DNAH9: variants seen among roughly 807,000 people sequenced by gnomAD.
DNAH9 encodes the protein DNAH9 variant protein.
In DNAH9, 345 loss-of-function variants were observed where a neutral mutation model predicts 471.6. The ratio of observed to expected loss-of-function variants is 0.73; its 90% CI spans 0.67 to 0.80. The LOEUF is 0.80. Ranked by LOEUF, DNAH9 falls within the 30% of genes least tolerant of loss-of-function variation. DNAH9 has a pLI of 0.00. For synonymous variants in DNAH9, 2,093 were observed against 2,123.6 expected, an observed-to-expected ratio of 0.99 and a Z score of 0.40; for missense variants, 5,407 against 5,609.2, an observed-to-expected ratio of 0.96 and a Z score of 1.15.
chr17:11,632,679 A>G lies in DNAH9; in HGVS notation c.1611A>G (p.Ala537=). ...TCTTTATTCAAGCTTTTGATGATGC[A>G]CCTGGCTTGGAGCATGCCTTTAAGG... The part of the protein sequence containing the change: ...GTIFIQAFDD[A]PGLEHAFKLL... The change falls in exon 8 of 69, where the codon GCA becomes GCG. Residue 537 remains alanine, a synonymous_variant. Coordinates refer to ENST00000262442, the MANE Select transcript of DNAH9 (RefSeq NM_001372.4). The G allele has an allele frequency of 6.3e-7, 1 of 1,599,416 alleles. No homozygotes were observed. The highest frequency in any genetic ancestry group is 8.6e-7 in the Non-Finnish European group (1 of 1,166,680).
At chr17:11,653,177 G>T (rs1182711223) in intron 14 of DNAH9, among the ~76,000 whole-genome samples, 175 bp downstream of exon 14, 2 of 152,326 alleles carry the variant, frequency 1.3e-5, no homozygotes, top group African/African-American at 4.8e-5. Flanking sequence ...CAAATGAAAA[G>T]TTGCATTTTG....
At chr17:11,963,411 GCAA>G (rs1474652002) in intron 68 of DNAH9, among the ~76,000 whole-genome samples, 1 of 151,312 alleles carries the variant, frequency 6.6e-6, no homozygotes, top group Non-Finnish European at 1.5e-5. Flanking sequence ...TCCAGCCTGG[GCAA>G]CAAGAGCAAA....
intron 6 of DNAH9, among the ~76,000 whole-genome samples, chr17:11,627,517 C>T (rs886779689): frequency 1.3e-5 from 2 of 152,212 alleles, no homozygotes; most frequent in Non-Finnish European, 2.9e-5. Context: ...CCCTATAAAA[C>T]AGATTACAAC....
intron 24 of DNAH9, among the ~76,000 whole-genome samples, chr17:11,703,365 A>G (rs1055861046): frequency 6.6e-6 from 1 of 152,182 alleles, no homozygotes; most frequent in Non-Finnish European, 1.5e-5. Context: ...GAGATTCTCC[A>G]TTTCACAAAG....
chr17:11,650,954 TAAGAA>T (rs779562759), intron 12 of DNAH9, 110 bp from the exon 13 acceptor site: 95 of 1,140,492 alleles, frequency 8.3e-5, no homozygotes, highest in Middle Eastern at 3.0e-4. Context: ...GAGCAGAACT[TAAGAA>T]AAGACCCAGA....
chr17:11,834,764 G>A lies in DNAH9; in HGVS notation c.9373G>A (p.Ala3125Thr). Residue 3125 changes from alanine (A) to threonine (T), a missense_variant, in exon 49 of 69, where the codon GCA (alanine) becomes ACA (threonine). This residue lies in a region of DNAH9 where 4,636 missense variants were observed against 4,900.3 expected (regional missense o/e 0.95). Transcript: ENST00000262442. ...TDKVSREKAM[A>T]DEEEQKVAVI... is the part of the protein sequence containing the mutation. Reference sequence around the variant, plus strand: ...CAAAGTGAGCAGAGAGAAAGCCATGGCAGATGAAGAGGAGCAGAAGGTGGC... The same window carrying A: ...CAAAGTGAGCAGAGAGAAAGCCATGACAGATGAAGAGGAGCAGAAGGTGGC... 1 of 1,614,102 alleles carries A rather than the reference G, an allele frequency of 6.2e-7. No homozygotes were observed. The highest frequency in any genetic ancestry group is 8.5e-7 in the Non-Finnish European group (1 of 1,180,012).
rs2075396737 is a variant in DNAH9, at chr17:11,739,185, A to G, written c.5972+148A>G. 3 of 771,028 alleles carry G rather than the reference A, an allele frequency of 3.9e-6. 1 individual carries two copies. The highest frequency in any genetic ancestry group is 2.0e-6 in the Non-Finnish European group (1 of 499,402). 47.8% of individuals were successfully genotyped at this position (771,028 alleles called of 1,614,324 possible). A position where few individuals can be genotyped will look rare whatever the true frequency, so the allele number is the denominator to read the frequency against. Reference sequence around the variant, plus strand: ...CAACCTTCTTTAATGTCTTTAATGCAGTAAAATTGCTTTTTGCTTAATTGT... The same window carrying G: ...CAACCTTCTTTAATGTCTTTAATGCGGTAAAATTGCTTTTTGCTTAATTGT... On this transcript the variant is annotated intron_variant, in intron 29 of 68. Transcript: ENST00000262442.
At chr17:11,648,810 A>G (rs1323190757) in intron 12 of DNAH9, among the ~76,000 whole-genome samples, 1 of 152,100 alleles carries the variant, frequency 6.6e-6, no homozygotes, top group East Asian at 1.9e-4. Context: ...ACTTCAAGCA[A>G]TGTGGCCAAA....
chr17:11,693,008 C>T (rs891743842), intron 20 of DNAH9, among the ~76,000 whole-genome samples: 2 of 149,664 alleles, frequency 1.3e-5, no homozygotes, highest in Non-Finnish European at 3.0e-5. Context: ...CGGTTTCGAG[C>T]GATTCTCCTG....
chr17:11,789,432 T>A lies in DNAH9; in HGVS notation c.8062-4071T>A, dbSNP rs569811010. 3.6e-3 allele frequency among the ~76,000 whole-genome samples: 544 copies of A among 152,196 alleles called. 2 individuals are homozygous for A. Among genetic ancestry groups the A allele is most frequent in the Middle Eastern group, 0.01 (3 of 294 alleles). ...TGTGTCAGTCATGTTAAGACATCCTTGTTATCAATAGTTGCTAATTTATTG... is the reference window on the plus strand; with the variant it reads ...TGTGTCAGTCATGTTAAGACATCCTAGTTATCAATAGTTGCTAATTTATTG... On this transcript the variant is annotated intron_variant, in intron 41 of 68. Transcript: ENST00000262442.
At chr17:11,640,791 T>C (rs1041488140) in intron 10 of DNAH9, among the ~76,000 whole-genome samples, 1 of 152,182 alleles carries the variant, frequency 6.6e-6, no homozygotes, top group Non-Finnish European at 1.5e-5. Flanking sequence ...AGGATAACTC[T>C]GGAAAACCTG....
intron 45 of DNAH9, among the ~76,000 whole-genome samples, chr17:11,818,690 T>G (rs1477077983): frequency 6.6e-6 from 1 of 152,102 alleles, no homozygotes; most frequent in Non-Finnish European, 1.5e-5. Context: ...GAAAATTTTG[T>G]TTTTCTGATA....
intron 14 of DNAH9, among the ~76,000 whole-genome samples, chr17:11,660,148 A>G (rs1175702480): frequency 6.6e-6 from 1 of 151,880 alleles, no homozygotes; most frequent in African/African-American, 2.4e-5. Flanking sequence ...CTTTAGGGTT[A>G]GTTGCTTATC....
intron 67 of DNAH9, among the ~76,000 whole-genome samples, chr17:11,957,724 GC>G (rs1173729275): frequency 6.6e-6 from 1 of 152,102 alleles, no homozygotes; most frequent in Admixed American, 6.6e-5. Flanking sequence ...TGCTACTTCA[GC>G]CATACACCAC....
rs1362662863 is a variant in DNAH9, at chr17:11,865,297, A to G, written c.9934-3837A>G. ...CTTATGAAGCTTAGTTTGGCTGGAT[A>G]TGAAATTCTGGGTTGAAAATTCTTT... is the stretch of plus-strand genomic sequence containing the variant. On this transcript the variant is annotated intron_variant, in intron 50 of 68. Transcript: ENST00000262442. Among the ~76,000 whole-genome samples the G allele has an allele frequency of 3.3e-5, 5 of 152,168 alleles. No homozygotes were observed. The East Asian group carries it at 9.7e-4, about 29-fold the overall frequency.
intron 41 of DNAH9, among the ~76,000 whole-genome samples, chr17:11,788,904 A>G (rs760969852): frequency 2.4e-4 from 36 of 152,084 alleles, no homozygotes; most frequent in Non-Finnish European, 4.3e-4. Flanking sequence ...GATTAAGGAA[A>G]TATTTTTCTG....
Position 11,598,809 on chromosome 17 carries a change from T to C in DNAH9, c.311T>C (p.Leu104Pro), listed in dbSNP as rs1403391448. 2.8e-5 allele frequency: 41 copies of C among 1,482,146 alleles called. No homozygotes were observed. The highest frequency in any genetic ancestry group is 3.7e-5 in the Non-Finnish European group (41 of 1,120,578). 91.8% of individuals were successfully genotyped at this position (1,482,146 alleles called of 1,614,324 possible). ...GCTGGCGCTAAGGCGCTTTTTTTCC[T>C]TCGCACCGGGCCCGAGCCTCCAGGG... is the stretch of plus-strand genomic sequence containing the variant. The part of the protein sequence containing the change: ...GLAGAKALFF[L>P]RTGPEPPGPD... Residue 104 changes from leucine (L) to proline (P), a missense_variant, in exon 1 of 69, where the codon CTT becomes CCT. By Grantham distance (98) the Leu-to-Pro change is moderately conservative (BLOSUM62 -3). This residue lies in a region of DNAH9 where 767 missense variants were observed against 692.5 expected (regional missense o/e 1.11). Coordinates refer to ENST00000262442, the MANE Select transcript of DNAH9 (RefSeq NM_001372.4).
chr17:11,743,725 C>T (rs1947412160), intron 30 of DNAH9, among the ~76,000 whole-genome samples: 1 of 152,202 alleles, frequency 6.6e-6, no homozygotes, highest in South Asian at 2.1e-4. Flanking sequence ...AATTCTACTC[C>T]TTCAAGGTCT....
chr17:11,751,470 A>G (rs1452448820), intron 32 of DNAH9, among the ~76,000 whole-genome samples: 1 of 152,076 alleles, frequency 6.6e-6, no homozygotes, highest in African/African-American at 2.4e-5. Context: ...CAGTATTAAC[A>G]TAAAACATTA....
Sources: allele counts gnomAD v4.1 joint callset (sites outside exome capture counted in the v4.1 genomes callset), GRCh38; gene constraint gnomAD v4.1.1; regional missense constraint gnomAD v4.1.1; transcripts MANE v1.5; gene names NCBI Gene and HGNC (gene_info 2026-07-23, HGNC 2026-07-21).